Variants in ACOT6 observed in about 807,000 individuals in gnomAD.
ACOT6 encodes acyl-coenzyme A thioesterase 6.
ACOT6 carries 14 observed loss-of-function variants against 12.3 expected under a neutral mutation model. The ratio of observed to expected loss-of-function variants is 1.14; its 90% confidence interval spans 0.75 to 1.78. The LOEUF is 1.78. Among genes scored for constraint, ACOT6 ranks in the 40% most tolerant of loss-of-function variants. The pLI, the probability that ACOT6 is intolerant of heterozygous loss-of-function variation, is 0.00. For synonymous variants in ACOT6, 218 were observed against 231.3 expected (o/e 0.94, Z 0.52); for missense variants, 523 against 551.8 (o/e 0.95, Z 0.52).
upstream of ACOT6, chr14:73,612,395 T>A: frequency 2.3e-6 from 1 of 431,562 alleles, no homozygotes; most frequent in Non-Finnish European, 4.0e-6. Flanking sequence ...GGGACACTGG[T>A]GTATTTGCAC....
At chr14:73,614,201 A>AAACAAC (rs61419847) in intron 1 of ACOT6, among the ~76,000 whole-genome samples, 1 of 151,902 alleles carries the variant, frequency 6.6e-6, no homozygotes, top group Admixed American at 6.6e-5. Context: ...ACCCTGCCTC[A>AAACAAC]AACAACAACA....
chr14:73,614,931 T>C (rs1890507617), intron 1 of ACOT6, among the ~76,000 whole-genome samples: 1 of 149,584 alleles, frequency 6.7e-6, no homozygotes, highest in Non-Finnish European at 1.5e-5. Context: ...ACCCCGTCTC[T>C]ACTAAAAATA....
intron 2 of ACOT6, among the ~76,000 whole-genome samples, chr14:73,618,493 G>A (rs1056387852): frequency 6.6e-5 from 10 of 151,388 alleles, no homozygotes; most frequent in Non-Finnish European, 1.0e-4. Flanking sequence ...GAGAAGGAGT[G>A]TGGTGCAGGG....
intron 1 of ACOT6, among the ~76,000 whole-genome samples, chr14:73,613,432 A>G (rs190754908): frequency 3.3e-5 from 5 of 152,320 alleles, no homozygotes; most frequent in African/African-American, 9.6e-5. Context: ...CCTTAAGCTG[A>G]TGTGCAAGAA....
chr14:73,615,388 T>TAAAAAAAAAAAAAAAAAAAA (rs1160138803), intron 1 of ACOT6, among the ~76,000 whole-genome samples: 1 of 63,330 alleles, frequency 1.6e-5, no homozygotes, highest in African/African-American at 1.0e-4. Context: ...CTCTGTCTGA[T>TAAAAAAAAAAAAAAAAAAAA]AAAAAAAAAA....
Position 73,612,758 on chromosome 14 carries a change from G to A in ACOT6, c.187G>A (p.Glu63Lys). 2 of 1,372,640 alleles carry A rather than the reference G, an allele frequency of 1.5e-6. No homozygotes were observed. 85.0% of individuals were successfully genotyped at this position (1,372,640 alleles called of 1,614,324 possible). Residue 63 changes from glutamate to lysine, a missense_variant, in exon 1 of 3, where the codon GAG (glutamate) becomes AAG (lysine). This residue lies in a region of ACOT6 where 304 missense variants were observed against 274.8 expected (regional missense o/e 1.11). Transcript: ENST00000645972. ...CGACGCCCGCGACGAGCTGGACCTG[G>A]AGCGCGCGCCCGCGCTGGGAGGCAG... is the stretch of plus-strand genomic sequence containing the variant. Reference protein sequence around the residue: ...RADARDELDLERAPALGGSFA... With the variant: ...RADARDELDLKRAPALGGSFA...
rs965298229 is a variant in ACOT6, at chr14:73,619,852, A to C, written c.*13A>C. ...CAGCAAAATATAACATTGTAGCCAC[A>C]GACCAGATACCATTAATAAAAATCC... On this transcript the variant is annotated 3_prime_UTR_variant, in exon 3 of 3. Transcript: ENST00000645972. 3 of 1,563,700 alleles carry C rather than the reference A, an allele frequency of 1.9e-6. No homozygotes were observed. In the South Asian group the frequency reaches 3.6e-5, roughly 19 times the overall value.
rs374083296 is a variant in ACOT6, at chr14:73,619,515, G to A, written c.942G>A (p.Ala314=). 5.0e-5 allele frequency: 80 copies of A among 1,614,110 alleles called. No individual in the cohort carries two copies. Among genetic ancestry groups the A allele is most frequent in the Admixed American group, 4.0e-4 (24 of 60,004 alleles). ...NHQSLVPLEK[A]QVPFLFIVGM... ...AAAGTCTTGTTCCATTGGAAAAGGC[G>A]CAGGTGCCCTTCTTGTTTATTGTTG... is the stretch of plus-strand genomic sequence containing the variant. Residue 314 remains alanine, a synonymous_variant, in exon 3 of 3, where the codon GCG becomes GCA. Coordinates refer to ENST00000645972, the MANE Select transcript of ACOT6 (RefSeq NM_001365788.1).
chr14:73,612,608 T>C lies in ACOT6; in HGVS notation c.37T>C (p.Cys13Arg), dbSNP rs1279329622. 7 of 1,419,022 alleles carry C rather than the reference T, an allele frequency of 4.9e-6. No individual in the cohort carries two copies. The highest frequency in any genetic ancestry group is 5.5e-6 in the Non-Finnish European group (6 of 1,081,380). The allele number at this position is 1,419,022 out of a possible 1,614,324, so 87.9% of individuals were successfully genotyped here. A position where few individuals can be genotyped will look rare whatever the true frequency, so the allele number is the denominator to read the frequency against. The change falls in exon 1 of 3, where the codon TGC becomes CGC. Residue 13 changes from cysteine (C) to arginine (R), a missense_variant. Coordinates refer to ENST00000645972, the MANE Select transcript of ACOT6 (RefSeq NM_001365788.1). ...GCTGATCCTGGAGCCCGCGGGCCGC[T>C]GCTGCTGGGACGAGCCGCTGCGCAT... ...ATLILEPAGR[C>R]CWDEPLRIAV...
chr14:73,612,576 C>A lies in ACOT6; in HGVS notation c.5C>A (p.Ala2Glu). The A allele has an allele frequency of 7.2e-7, 1 of 1,396,414 alleles. No individual in the cohort carries two copies. The highest frequency in any genetic ancestry group is 9.4e-7 in the Non-Finnish European group (1 of 1,066,494). 86.5% of individuals were successfully genotyped at this position (1,396,414 alleles called of 1,614,324 possible). A position where few individuals can be genotyped will look rare whatever the true frequency, so the allele number is the denominator to read the frequency against. ...CCCTGTTCTACCCAGATTGGGATGG[C>A]AGCGACGCTGATCCTGGAGCCCGCG... M[A>E]ATLILEPAGR... The change falls in exon 1 of 3, where the codon GCA (alanine) becomes GAA (glutamate). Residue 2 changes from alanine (A) to glutamate (E), a missense_variant. Around this residue, in one of 2 missense-constraint regions of ACOT6, gnomAD observed 304 missense variants for 274.8 expected, o/e 1.11. Transcript: ENST00000645972.
In ACOT6 at chr14:73,619,510, A is replaced by G; in HGVS notation, c.937A>G (p.Lys313Glu). 2 of 1,614,246 alleles carry G rather than the reference A, an allele frequency of 1.2e-6. No homozygotes were observed. Among genetic ancestry groups the G allele is most frequent in the Non-Finnish European group, 1.7e-6 (2 of 1,180,036 alleles). The change falls in exon 3 of 3, where the codon AAG becomes GAG. Residue 313 changes from lysine to glutamate, a missense_variant. By Grantham distance (56) the Lys-to-Glu change is moderately conservative. This residue lies in a region of ACOT6 where 219 missense variants were observed against 277.0 expected (regional missense o/e 0.79). Transcript: ENST00000645972. ...TCACCAAAGTCTTGTTCCATTGGAA[A>G]AGGCGCAGGTGCCCTTCTTGTTTAT... ...HNHQSLVPLE[K>E]AQVPFLFIVG...
rs752074136 is a variant in ACOT6 at position 73,619,846 on chromosome 14, A to C, written c.*7A>C. ...CAAGCACAGCAAAATATAACATTGT[A>C]GCCACAGACCAGATACCATTAATAA... is the stretch of plus-strand genomic sequence containing the variant. On this transcript the variant is annotated 3_prime_UTR_variant, in exon 3 of 3. Coordinates refer to ENST00000645972, the MANE Select transcript of ACOT6 (RefSeq NM_001365788.1). 8 of 1,581,180 alleles carry C rather than the reference A, an allele frequency of 5.1e-6. No individual in the cohort carries two copies. The African/African-American group carries it at 9.5e-5, about 19-fold the overall frequency.
In ACOT6 at chr14:73,616,955, A is replaced by C. The variant is rs76747635; in HGVS notation, c.462-39A>C. The C allele has an allele frequency of 1.3e-4, 81 of 611,820 alleles. No homozygotes were observed. In the African/African-American group the frequency reaches 1.3e-3, roughly 10 times the overall value. 37.9% of individuals were successfully genotyped at this position (611,820 alleles called of 1,614,324 possible). On this transcript the variant is annotated intron_variant, in intron 1 of 2. Coordinates refer to ENST00000645972, the MANE Select transcript of ACOT6 (RefSeq NM_001365788.1). Reference sequence around the variant, plus strand: ...CTTGTTTGCTTACTGTCTTTTGAGAAACTAAAGCTCCCTGTGATTTGTGAT... The same window carrying C: ...CTTGTTTGCTTACTGTCTTTTGAGACACTAAAGCTCCCTGTGATTTGTGAT...
Position 73,612,723 on chromosome 14 carries a change from G to A in ACOT6, c.152G>A (p.Arg51His). The change falls in exon 1 of 3, where the codon CGC (arginine) becomes CAC (histidine). Residue 51 changes from arginine to histidine, a missense_variant. By Grantham distance (29) the Arg-to-His change is conservative. This residue lies in a region of ACOT6 where 304 missense variants were observed against 274.8 expected (regional missense o/e 1.11). Transcript: ENST00000645972. ...EEGALFRAHA[R>H]YRADARDELD... ...GGCGCGCTCTTCCGGGCCCACGCGC[G>A]CTACCGTGCCGACGCCCGCGACGAG... The A allele has an allele frequency of 7.3e-7, 1 of 1,370,244 alleles. No homozygotes were observed. The highest frequency in any genetic ancestry group is 1.5e-5 in the African/African-American group (1 of 65,764). The allele number at this position is 1,370,244 out of a possible 1,614,324, so 84.9% of individuals were successfully genotyped here. A position where few individuals can be genotyped will look rare whatever the true frequency, so the allele number is the denominator to read the frequency against.
intron 1 of ACOT6, among the ~76,000 whole-genome samples, chr14:73,616,153 G>C (rs1371820097): frequency 1.3e-5 from 2 of 151,986 alleles, no homozygotes; most frequent in Non-Finnish European, 2.9e-5. Context: ...CTTTTTTGTA[G>C]AGATGGGTCT....
In ACOT6 at chr14:73,612,524, C is replaced by T; in HGVS notation, c.-48C>T. The stretch of plus-strand genomic sequence containing the variant: ...GCGCTCGGCAAAGCCGCCAGGCCCG[C>T]CCACTGACTCCGCGGAGCTGGGTCG... On this transcript the variant is annotated 5_prime_UTR_variant, in exon 1 of 3. Transcript: ENST00000645972. 2 of 1,187,084 alleles carry T rather than the reference C, an allele frequency of 1.7e-6. No individual in the cohort carries two copies. The highest frequency in any genetic ancestry group is 2.2e-6 in the Non-Finnish European group (2 of 918,540). The allele number at this position is 1,187,084 out of a possible 1,614,324, so 73.5% of individuals were successfully genotyped here.
chr14:73,616,344 G>T (rs1319063368), intron 1 of ACOT6, among the ~76,000 whole-genome samples: 5 of 151,112 alleles, frequency 3.3e-5, no homozygotes, highest in African/African-American at 1.2e-4. Flanking sequence ...TTGAGATAGA[G>T]TCTCACTCTG....
chr14:73,612,950 C>G lies in ACOT6; in HGVS notation c.379C>G (p.Arg127Gly). 7.9e-7 allele frequency: 1 copy of G among 1,267,912 alleles called. No homozygotes were observed. The highest frequency in any genetic ancestry group is 1.0e-6 in the Non-Finnish European group (1 of 955,206). The allele number at this position is 1,267,912 out of a possible 1,614,324, so 78.5% of individuals were successfully genotyped here. The change falls in exon 1 of 3, where the codon CGC (arginine) becomes GGC (glycine). Residue 127 changes from arginine to glycine, a missense_variant. Arg to Gly is a moderately radical substitution (Grantham distance 125). Transcript: ENST00000645972. ...GCTGCTGTGCCTGGCGCAGAACAAG[C>G]GCGACTTTCTCCGGCCGGGGGTGCG... Reference protein sequence around the residue: ...GRLLCLAQNKRDFLRPGVRRE... With the variant: ...GRLLCLAQNKGDFLRPGVRRE...
intron 2 of ACOT6, among the ~76,000 whole-genome samples, chr14:73,618,387 G>A (rs7143627): frequency 0.76 from 115,149 of 150,860 alleles, 44,557 homozygotes; most frequent in East Asian, 0.95. Flanking sequence ...TGGGTTCGTC[G>A]GTGTATATAT....
Sources: gnomAD v4.1 joint callset for allele counts (sites outside exome capture counted in the v4.1 genomes callset) on GRCh38, gnomAD v4.1.1 for gene constraint, gnomAD v4.1.1 regional missense constraint, MANE v1.5 for transcripts, NCBI Gene and HGNC (gene_info 2026-07-23, HGNC 2026-07-21) for gene names.